The following ARHGAP29 variants were observed in gnomAD, a reference collection of about 807,000 sequenced individuals.
ARHGAP29 encodes the protein rho GTPase-activating protein 29.
In ARHGAP29, 43 loss-of-function variants were observed where a neutral mutation model predicts 122.6. The observed-to-expected ratio is 0.35, with a 90% confidence interval of 0.27 to 0.45. The LOEUF is 0.45. ARHGAP29 is among the 20% of genes least tolerant of loss of function. The pLI is 1.00. For missense variants in ARHGAP29, 1,303 were observed against 1,477.2 expected, an observed-to-expected ratio of 0.88 and a Z score of 1.93; for synonymous variants, 506 against 497.1, an observed-to-expected ratio of 1.02 and a Z score of -0.24.
intron 2 of ARHGAP29, among the ~76,000 whole-genome samples, chr1:94,221,023 GAGTTTCTT>G (rs1473989905): frequency 6.6e-6 from 1 of 152,128 alleles, no homozygotes; most frequent in African/African-American, 2.4e-5. Flanking sequence ...TTAGATAGAT[GAGTTTCTT>G]CTCAGTGCTC....
chr1:94,217,901 T>G (rs1339086839), intron 3 of ARHGAP29, among the ~76,000 whole-genome samples: 1 of 151,856 alleles, frequency 6.6e-6, no homozygotes, highest in Non-Finnish European at 1.5e-5. Flanking sequence ...ATAAAGGATC[T>G]CCATACTCCA....
intron 12 of ARHGAP29, chr1:94,192,252 ACT>A (rs1311663472): frequency 2.0e-5 from 3 of 152,238 alleles, no homozygotes; most frequent in African/African-American, 7.2e-5. Flanking sequence ...ACAAATCAAG[ACT>A]CTGAAAAGTA....
chr1:94,295,824 T>TA, the ARHGAP29 span, among the ~76,000 whole-genome samples: 1 of 136,454 alleles, frequency 7.3e-6, no homozygotes, highest in East Asian at 2.3e-4. Context: ...AGGAACTACT[T>TA]ACAACAGTGC....
At chr1:94,238,041 AG>A (rs1653411161), upstream of ARHGAP29, among the ~76,000 whole-genome samples, 1 of 138,300 alleles carries the variant, frequency 7.2e-6, no homozygotes, top group Non-Finnish European at 1.5e-5. Flanking sequence ...GTTTCCACTT[AG>A]GCCTATCTGT....
chr1:94,305,640 C>T, the ARHGAP29 span, among the ~76,000 whole-genome samples: 4 of 152,196 alleles, frequency 2.6e-5, no homozygotes, highest in African/African-American at 9.6e-5. Context: ...ATCAAGAACT[C>T]GGCAGTGCCA....
chr1:94,301,857 C>G, the ARHGAP29 span, among the ~76,000 whole-genome samples: 89 of 152,292 alleles, frequency 5.8e-4, no homozygotes, highest in African/African-American at 2.1e-3. Flanking sequence ...CTTACTCTCT[C>G]TCTCTAATTT....
chr1:94,222,382 G>C (rs1652353448), intron 2 of ARHGAP29, among the ~76,000 whole-genome samples: 1 of 152,160 alleles, frequency 6.6e-6, no homozygotes, highest in Admixed American at 6.5e-5. Context: ...CTGAAGACAG[G>C]TGACCAAGGT....
chr1:94,274,696 C>T (rs958491472), intron 1 of ARHGAP29, among the ~76,000 whole-genome samples: 6 of 152,172 alleles, frequency 3.9e-5, no homozygotes, highest in African/African-American at 1.4e-4. Context: ...CTGGCCTGGG[C>T]AATTAGGAGG....
chr1:94,260,018 C>T (rs1654498107), intron 1 of ARHGAP29, among the ~76,000 whole-genome samples: 1 of 152,170 alleles, frequency 6.6e-6, no homozygotes. Flanking sequence ...GGACCAGAGG[C>T]ATTCCATGTG....
At chr1:94,218,169 G>GA (rs1652069857) in intron 3 of ARHGAP29, among the ~76,000 whole-genome samples, 1 of 152,178 alleles carries the variant, frequency 6.6e-6, no homozygotes, top group African/African-American at 2.4e-5. Context: ...CCTCAAAAGT[G>GA]AGAGTTGGGG....
chr1:94,202,468 C>T lies in ARHGAP29; in HGVS notation c.1143+76G>A, dbSNP rs141978241. On this transcript the variant is annotated intron_variant, in intron 11 of 22. Transcript: ENST00000260526. ...TGCCTTTCCAGGCAGTCTTGGCAGA[C>T]GCAGAACTTTGACACCAAACTCCTG... 676 of 1,553,202 alleles carry T rather than the reference C, an allele frequency of 4.4e-4. 7 individuals carry two copies. The African/African-American group carries it at 7.5e-3, about 17-fold the overall frequency.
Position 94,173,872 on chromosome 1 carries a change from C to A in ARHGAP29, c.3783G>T (p.Val1261=), listed in dbSNP as rs1353793333. The A allele has an allele frequency of 1.9e-6, 3 of 1,597,146 alleles. No homozygotes were observed. The highest frequency in any genetic ancestry group is 1.1e-5 in the South Asian group (1 of 89,956). The change falls in exon 23 of 23, where the codon GTG becomes GTT. Residue 1261 remains valine (V), a synonymous_variant. Transcript: ENST00000260526. The part of the protein sequence containing the change: ...EDLEGEIPQF[V] The stretch of plus-strand genomic sequence containing the variant: ...AAAACCCTGAAATTTGACATCCCTA[C>A]ACAAATTGTGGAATTTCACCTTCGA...
rs193035658 is a variant in ARHGAP29 at position 94,270,208 on chromosome 1, G to C, written c.-33+4804C>G. On this transcript the variant is annotated intron_variant and NMD_transcript_variant, in intron 1 of 25. Transcript: ENST00000552844. The stretch of plus-strand genomic sequence containing the variant: ...GAATGTGGAAAATAAACTCTATCAA[G>C]ATTCAGGGATCTGCCACTTCAATAA... Among the ~76,000 whole-genome samples the C allele has an allele frequency of 5.4e-4, 82 of 152,292 alleles. 1 individual carries two copies. In the East Asian group the frequency reaches 0.014, roughly 27 times the overall value.
intron 1 of ARHGAP29, among the ~76,000 whole-genome samples, chr1:94,264,807 G>A (rs879806644): frequency 7.2e-5 from 11 of 152,030 alleles, no homozygotes; most frequent in Admixed American, 2.0e-4. Context: ...TGTATTAGTC[G>A]TTGCTTTGAC....
chr1:94,267,073 G>A (rs1654800320), intron 1 of ARHGAP29, among the ~76,000 whole-genome samples: 1 of 152,190 alleles, frequency 6.6e-6, no homozygotes, highest in Non-Finnish European at 1.5e-5. Context: ...TTTGGCTTAT[G>A]CAACACTATA....
At chr1:94,240,522 T>G (rs933337167), upstream of ARHGAP29, among the ~76,000 whole-genome samples, 6 of 152,226 alleles carry the variant, frequency 3.9e-5, no homozygotes, top group Non-Finnish European at 7.3e-5. Flanking sequence ...CCGAAATTCT[T>G]GGTCTATAAT....
At chr1:94,208,497 T>C (rs1343318881) in intron 5 of ARHGAP29, among the ~76,000 whole-genome samples, 1 of 152,020 alleles carries the variant, frequency 6.6e-6, no homozygotes, top group Non-Finnish European at 1.5e-5. Context: ...TCTCACTCTG[T>C]CACCTAGGCT....
intron 17 of ARHGAP29, 79 bp from the exon 18 acceptor site, chr1:94,185,139 C>A: frequency 1.5e-6 from 2 of 1,375,136 alleles, no homozygotes; most frequent in Admixed American, 2.5e-5. Context: ...GAAGGTAACA[C>A]AACAAAAATG....
In ARHGAP29 at chr1:94,202,586, T is replaced by C; in HGVS notation, c.1101A>G (p.Gln367=). ...SGGLAKNLNK[Q]LEKKRRLEEE... is the part of the protein sequence containing the mutation. ...CTTCCAACCTTCGCTTTTTTTCTAG[T>C]TGCTTGTTGAGATTTTTTGCTAATC... The change falls in exon 11 of 23, where the codon CAA becomes CAG. Residue 367 remains glutamine (Q), a synonymous_variant. Coordinates refer to ENST00000260526, the MANE Select transcript of ARHGAP29 (RefSeq NM_004815.4). 6.2e-7 allele frequency: 1 copy of C among 1,614,192 alleles called. No homozygotes were observed. Among genetic ancestry groups the C allele is most frequent in the Non-Finnish European group, 8.5e-7 (1 of 1,180,048 alleles).
Sources: allele counts gnomAD v4.1 joint callset (sites outside exome capture counted in the v4.1 genomes callset), GRCh38; gene constraint gnomAD v4.1.1; transcripts MANE v1.5; gene names NCBI Gene and HGNC (gene_info 2026-07-23, HGNC 2026-07-21).